Variants in CCDC175 observed in about 807,000 individuals in gnomAD.
CCDC175 encodes coiled-coil domain containing 175.
In CCDC175, 100 loss-of-function variants were observed where a neutral mutation model predicts 114.6. That is an observed-to-expected ratio of 0.87 (90% confidence interval 0.74 to 1.03). CCDC175 has a LOEUF of 1.03. Among genes scored for constraint, CCDC175 ranks in the 50% least tolerant of loss-of-function variants. CCDC175 has a pLI of 0.00. For missense variants in CCDC175, 880 were observed against 917.8 expected, an observed-to-expected ratio of 0.96 and a Z score of 0.53; for synonymous variants, 306 against 308.7, an observed-to-expected ratio of 0.99 and a Z score of 0.09.
intron 15 of CCDC175, 140 bp downstream of exon 15, chr14:59,526,955 T>G: frequency 3.8e-6 from 2 of 529,058 alleles, no homozygotes; most frequent in South Asian, 5.7e-5. Flanking sequence ...ATAACAAAGA[T>G]TGTTAAACAT....
At position 59,564,896 on chromosome 14, in the gene CCDC175, T is replaced by C. The variant is rs1042909178; in HGVS notation, c.720+151A>G. On this transcript the variant is annotated intron_variant, in intron 5 of 19. Coordinates refer to ENST00000537690, the MANE Select transcript of CCDC175 (RefSeq NM_001164399.2). Reference sequence around the variant, plus strand: ...TCTTCCCCAAGAGCAGAAGTGTCCTTGAGTCTCCCGCTCATCCCGTTTTCC... The same window carrying C: ...TCTTCCCCAAGAGCAGAAGTGTCCTCGAGTCTCCCGCTCATCCCGTTTTCC... 5 of 624,332 alleles carry C rather than the reference T, an allele frequency of 8.0e-6. No homozygotes were observed. In the African/African-American group the frequency reaches 9.2e-5, roughly 12 times the overall value. 38.7% of individuals were successfully genotyped at this position (624,332 alleles called of 1,614,324 possible). A position where few individuals can be genotyped will look rare whatever the true frequency, so the allele number is the denominator to read the frequency against.
In CCDC175 at chr14:59,558,684, C is replaced by T. The variant is rs1896060247; in HGVS notation, c.953+2435G>A. 2.0e-5 allele frequency among the ~76,000 whole-genome samples: 3 copies of T among 152,076 alleles called. No homozygotes were observed. In the South Asian group the frequency reaches 6.2e-4, roughly 32 times the overall value. On this transcript the variant is annotated intron_variant, in intron 7 of 19. Transcript: ENST00000537690. ...TGAGAAATCAAGAGTCTGTTCAGGACATGTTATATCTATATAAGACAGATA... is the reference window on the plus strand; with the variant it reads ...TGAGAAATCAAGAGTCTGTTCAGGATATGTTATATCTATATAAGACAGATA...
At chr14:59,511,882 G>T in intron 17 of CCDC175, 79 bp from the exon 18 acceptor site, 1 of 1,110,410 alleles carries the variant, frequency 9.0e-7, no homozygotes, top group South Asian at 1.5e-5. Context: ...ATTCATTTTT[G>T]TTTTTTCAAA....
intron 15 of CCDC175, among the ~76,000 whole-genome samples, 156 bp downstream of exon 15, chr14:59,526,939 T>C (rs560465397): frequency 3.9e-4 from 60 of 152,362 alleles, no homozygotes; most frequent in African/African-American, 1.4e-3. Context: ...TGCATATATA[T>C]GTGTTATAAC....
chr14:59,553,560 C>T (rs1318657786), intron 7 of CCDC175, among the ~76,000 whole-genome samples: 11 of 152,160 alleles, frequency 7.2e-5, no homozygotes, highest in African/African-American at 1.4e-4. Context: ...CATCAACTAA[C>T]GAGCAAAATA....
At chr14:59,571,152 A>T in intron 3 of CCDC175, among the ~76,000 whole-genome samples, 1 of 137,384 alleles carries the variant, frequency 7.3e-6, no homozygotes, top group South Asian at 2.1e-4. Flanking sequence ...TTTACCTAAA[A>T]AAAAAAAAAA....
intron 3 of CCDC175, among the ~76,000 whole-genome samples, chr14:59,570,349 G>A (rs975174284): frequency 1.3e-5 from 2 of 152,042 alleles, no homozygotes; most frequent in African/African-American, 2.4e-5. Flanking sequence ...GCTGAACATT[G>A]TGCCAGCTGG....
rs535241545 is a variant in CCDC175, at chr14:59,513,608, G to A, written c.2099-1805C>T. Reference sequence around the variant, plus strand: ...TGAGATCAAACTGCAAGGCAGCAGCGAGGCTGGGGGAGGGGTGCCTGCCAT... The same window carrying A: ...TGAGATCAAACTGCAAGGCAGCAGCAAGGCTGGGGGAGGGGTGCCTGCCAT... On this transcript the variant is annotated intron_variant, in intron 17 of 19. Coordinates refer to ENST00000537690, the MANE Select transcript of CCDC175 (RefSeq NM_001164399.2). Among the ~76,000 whole-genome samples, 50 of 152,298 alleles carry A rather than the reference G, an allele frequency of 3.3e-4. No individual in the cohort carries two copies. In the South Asian group the frequency reaches 4.6e-3, roughly 14 times the overall value.
intron 6 of CCDC175, among the ~76,000 whole-genome samples, chr14:59,561,710 G>T (rs1896236071): frequency 6.6e-6 from 1 of 152,060 alleles, no homozygotes; most frequent in Non-Finnish European, 1.5e-5. Context: ...TGGAATAATT[G>T]GATACTGTGA....
In CCDC175 at chr14:59,576,666, A is replaced by G; in HGVS notation, c.110T>C (p.Leu37Pro). 6.7e-7 allele frequency: 1 copy of G among 1,482,284 alleles called. No individual in the cohort carries two copies. Among genetic ancestry groups the G allele is most frequent in the Admixed American group, 2.4e-5 (1 of 41,316 alleles). 91.8% of individuals were successfully genotyped at this position (1,482,284 alleles called of 1,614,324 possible). ...CGCCTCGACCGCGACCGAGGAGCCC[A>G]GGGTGGAGGGTAAGGTGCATAACTC... ...SLELCTLPSTLGSSVAVEALE... is the reference protein window; with the variant it reads ...SLELCTLPSTPGSSVAVEALE... Residue 37 changes from leucine (L) to proline (P), a missense_variant, in exon 1 of 20, where the codon CTG (leucine) becomes CCG (proline). Coordinates refer to ENST00000537690, the MANE Select transcript of CCDC175 (RefSeq NM_001164399.2).
Position 59,525,428 on chromosome 14 carries a change from C to T in CCDC175, c.1849G>A (p.Val617Ile), listed in dbSNP as rs780629757. The change falls in exon 16 of 20, where the codon GTA (valine) becomes ATA (isoleucine). Residue 617 changes from valine (V) to isoleucine (I), a missense_variant. By Grantham distance (29) the Val-to-Ile change is conservative. Transcript: ENST00000537690. ...CGTAATTGTTGTAATTCTTGTTTTA[C>T]ATCTTCCTGCTCAAACAGAAAACCC... ...FSRYISNMED[V>I]KQELQQLRDQ... 1.3e-6 allele frequency: 2 copies of T among 1,515,178 alleles called. No homozygotes were observed. Among genetic ancestry groups the T allele is most frequent in the Non-Finnish European group, 1.8e-6 (2 of 1,140,458 alleles). 93.9% of individuals were successfully genotyped at this position (1,515,178 alleles called of 1,614,324 possible).
At position 59,538,139 on chromosome 14, in the gene CCDC175, G is replaced by A. The variant is rs1217402825; in HGVS notation, c.1507C>T (p.Gln503Ter). 4 of 1,534,766 alleles carry A rather than the reference G, an allele frequency of 2.6e-6. No individual in the cohort carries two copies. The highest frequency in any genetic ancestry group is 3.5e-6 in the Non-Finnish European group (4 of 1,145,064). ...TGTGCCACAAATCCACTGATCTCCT[G>A]TTGTCTGAAACTGGTCTAATTAGAG... is the stretch of plus-strand genomic sequence containing the variant. ...ELLNETSFRQ[Q>*]EISGFVAQIE... The change falls in exon 13 of 20, where the codon CAG becomes TAG. Residue 503 changes from glutamine (Q) to a stop codon, truncating the protein, a stop_gained. Transcript: ENST00000537690. LOFTEE classifies it high-confidence loss of function.
chr14:59,573,621 T>G (rs1421709301), intron 2 of CCDC175, among the ~76,000 whole-genome samples: 11 of 142,454 alleles, frequency 7.7e-5, no homozygotes, highest in South Asian at 4.6e-4. Flanking sequence ...TTTTTTTGTT[T>G]TTTTTTTTTT....
chr14:59,570,218 C>T (rs1475616319), intron 3 of CCDC175, among the ~76,000 whole-genome samples: 1 of 152,122 alleles, frequency 6.6e-6, no homozygotes, highest in Non-Finnish European at 1.5e-5. Context: ...CTGCTGGATG[C>T]TGCAGGACCA....
In CCDC175 at chr14:59,574,957, C is replaced by G. The variant is rs772608491; in HGVS notation, c.229G>C (p.Ala77Pro). ...AKIFLKDIAV[A>P]VKKLEEMRKA... Reference sequence around the variant, plus strand: ...TAATACAATACCAATTTCTTAACAGCTACAGCAATGTCCTTAAGAAAGATC... The same window carrying G: ...TAATACAATACCAATTTCTTAACAGGTACAGCAATGTCCTTAAGAAAGATC... Residue 77 changes from alanine to proline, a missense_variant, in exon 2 of 20, where the codon GCT becomes CCT. Transcript: ENST00000537690. The G allele has an allele frequency of 6.0e-6, 9 of 1,494,406 alleles. No individual in the cohort carries two copies. The South Asian group carries it at 1.1e-4, about 18-fold the overall frequency. The allele number at this position is 1,494,406 out of a possible 1,614,324, so 92.6% of individuals were successfully genotyped here.
chr14:59,561,337 G>A, intron 6 of CCDC175, 109 bp from the exon 7 acceptor site: 1 of 523,180 alleles, frequency 1.9e-6, no homozygotes, highest in East Asian at 3.0e-5. Context: ...TTTTACATTA[G>A]GAGTGTACTT....
At chr14:59,528,085 C>G (rs1893855854) in intron 14 of CCDC175, among the ~76,000 whole-genome samples, 1 of 152,004 alleles carries the variant, frequency 6.6e-6, no homozygotes, top group Non-Finnish European at 1.5e-5. Context: ...TCTTGTATAT[C>G]TCAATATGTT....
At chr14:59,540,429 T>A (rs1894700692) in intron 11 of CCDC175, among the ~76,000 whole-genome samples, 1 of 151,548 alleles carries the variant, frequency 6.6e-6, no homozygotes, top group Non-Finnish European at 1.5e-5. Flanking sequence ...GCACAAATAT[T>A]AGCAATTTTA....
At chr14:59,557,197 CA>C (rs1566629221) in intron 7 of CCDC175, among the ~76,000 whole-genome samples, 1 of 152,086 alleles carries the variant, frequency 6.6e-6, no homozygotes, top group Non-Finnish European at 1.5e-5. Flanking sequence ...TTCACAATAG[CA>C]AAGACTTGGA....
Sources: gnomAD v4.1 joint callset for allele counts (sites outside exome capture counted in the v4.1 genomes callset) on GRCh38, gnomAD v4.1.1 for gene constraint, MANE v1.5 for transcripts, NCBI Gene and HGNC (gene_info 2026-07-23, HGNC 2026-07-21) for gene names.